PCDH19: variants seen among roughly 807,000 people sequenced by gnomAD.
The protein encoded by PCDH19 is protocadherin-19.
A neutral mutation model predicts 46.2 loss-of-function variants in PCDH19; 6 were observed. The observed-to-expected ratio is 0.13, with a 90% CI of 0.07 to 0.26. PCDH19 has a LOEUF of 0.26. Ranked by LOEUF, PCDH19 falls within the 10% of genes least tolerant of loss-of-function variation. The pLI is 1.00. For missense variants in PCDH19, 740 were observed against 972.3 expected (o/e 0.76, Z 3.18); for synonymous variants, 481 against 415.7 (o/e 1.16, Z -1.91).
intron 4 of PCDH19, among the ~76,000 whole-genome samples, chrX:100,348,818 G>T (rs113077897): frequency 1.0e-3 from 112 of 111,861 alleles, no homozygotes; most frequent in African/African-American, 3.4e-3. Flanking sequence ...CTTGTAAATT[G>T]GATAGTCAGG....
intron 5 of PCDH19, among the ~76,000 whole-genome samples, chrX:100,338,341 C>CAAAAAAA (rs1192568481): frequency 4.7e-4 from 17 of 35,993 alleles, no homozygotes; most frequent in East Asian, 8.7e-4. Flanking sequence ...GACTCCGTCT[C>CAAAAAAA]AAAAAAAAAA....
rs1218028967 is a variant in PCDH19, at chrX:100,353,121, A to C, written c.2617-2417T>G. The stretch of plus-strand genomic sequence containing the variant: ...ATCCTGATCCCCTGCTTTATACAGA[A>C]CCTGCAACTAACTCCAAGTAGGATC... On this transcript the variant is annotated intron_variant, in intron 3 of 5. Transcript: ENST00000373034. Among the ~76,000 whole-genome samples, 7 of 111,957 alleles carry C rather than the reference A, an allele frequency of 6.3e-5. No individual in the cohort carries two copies. In the Admixed American group the frequency reaches 6.6e-4, roughly 11 times the overall value.
Position 100,407,232 on chromosome X carries a change from G to C in PCDH19, c.1366C>G (p.Pro456Ala). The C allele has an allele frequency of 8.3e-7, 1 of 1,211,679 alleles. No individual in the cohort carries two copies. Among genetic ancestry groups the C allele is most frequent in the Non-Finnish European group, 1.1e-6 (1 of 895,511 alleles). The change falls in exon 1 of 6, where the codon CCC (proline) becomes GCC (alanine). Residue 456 changes from proline (P) to alanine (A), a missense_variant. By Grantham distance (27) the Pro-to-Ala change is conservative. Coordinates refer to ENST00000373034, the MANE Select transcript of PCDH19 (RefSeq NM_001184880.2). The part of the protein sequence containing the change: ...ENDNHPHFSK[P>A]YYQVIVQENN... ...TCCTGCACAATGACCTGGTAGTAGG[G>C]CTTGGAAAAGTGCGGGTGGTTGTCA...
intron 4 of PCDH19, among the ~76,000 whole-genome samples, chrX:100,350,374 T>A (rs1256587927): frequency 8.9e-6 from 1 of 112,064 alleles, no homozygotes; most frequent in Non-Finnish European, 1.9e-5. Flanking sequence ...TATTTTAATA[T>A]AATTCCAATT....
At position 100,305,260 on chromosome X, in the gene PCDH19, G is replaced by T. The variant is rs979920322; in HGVS notation, c.2849-8385C>A. The stretch of plus-strand genomic sequence containing the variant: ...ACCCTACAAGCTAGAAGGGATTGGG[G>T]TCCTATTTTTAGCCTCCTTAAATGA... On this transcript the variant is annotated intron_variant, in intron 5 of 5. Coordinates refer to ENST00000373034, the MANE Select transcript of PCDH19 (RefSeq NM_001184880.2). Among the ~76,000 whole-genome samples, 4 of 108,082 alleles carry T rather than the reference G, an allele frequency of 3.7e-5. No individual in the cohort carries two copies. In the South Asian group the frequency reaches 1.8e-3, roughly 47 times the overall value. The allele number at this position is 108,082 out of a possible 115,157, so 93.9% of individuals were successfully genotyped here. A position where few individuals can be genotyped will look rare whatever the true frequency, so the allele number is the denominator to read the frequency against.
chrX:100,338,079 G>A (rs1054095001), intron 5 of PCDH19, among the ~76,000 whole-genome samples: 13 of 111,481 alleles, frequency 1.2e-4, no homozygotes, highest in Non-Finnish European at 1.9e-4. Flanking sequence ...GGTGGCTCAC[G>A]CCTGTAATCC....
rs777494666 is a variant in PCDH19, at chrX:100,296,425, T to C, written c.3299A>G (p.Asn1100Ser). The C allele has an allele frequency of 6.6e-6, 8 of 1,209,050 alleles. No individual in the cohort carries two copies. In the Admixed American group the frequency reaches 1.7e-4, roughly 26 times the overall value. ...PARDLEQYVN[N>S]VNNGPTRPSE... is the part of the protein sequence containing the mutation. ...GGGACGAGTAGGGCCATTGTTGACA[T>C]TGTTGACATACTGCTCCAGATCACG... Residue 1100 changes from asparagine (N) to serine (S), a missense_variant, in exon 6 of 6, where the codon AAT becomes AGT. Around this residue, in one of 5 missense-constraint regions of PCDH19, gnomAD observed 416 missense variants for 476.8 expected, o/e 0.87. Transcript: ENST00000373034.
chrX:100,338,051 G>T lies in PCDH19; in HGVS notation c.2848+3852C>A, dbSNP rs967460240. 2.7e-4 allele frequency among the ~76,000 whole-genome samples: 30 copies of T among 111,674 alleles called. 1 individual carries two copies. Among genetic ancestry groups the T allele is most frequent in the Admixed American group, 7.6e-4 (8 of 10,559 alleles). ...TGACTTTTGCCCTTTGAGTTCAAAA[G>T]TCTTCTAGGCCAGGCGCGGTGGCTC... On this transcript the variant is annotated intron_variant, in intron 5 of 5. Coordinates refer to ENST00000373034, the MANE Select transcript of PCDH19 (RefSeq NM_001184880.2).
intron 5 of PCDH19, among the ~76,000 whole-genome samples, chrX:100,310,924 C>A (rs1569288469): frequency 9.1e-6 from 1 of 109,639 alleles, no homozygotes; most frequent in Non-Finnish European, 1.9e-5. Context: ...AATCATAGCT[C>A]ATTGCAGCTT....
Position 100,294,176 on chromosome X carries a change from A to G in PCDH19, c.*2101T>C, listed in dbSNP as rs950954078. The G allele has an allele frequency of 5.3e-5, 6 of 112,252 alleles. No individual in the cohort carries two copies. Among genetic ancestry groups the G allele is most frequent in the African/African-American group, 1.9e-4 (6 of 30,812 alleles). The allele number at this position is 112,252 out of a possible 1,213,427, so 9.3% of individuals were successfully genotyped here. On this transcript the variant is annotated 3_prime_UTR_variant, in exon 6 of 6. Coordinates refer to ENST00000373034, the MANE Select transcript of PCDH19 (RefSeq NM_001184880.2). Reference sequence around the variant, plus strand: ...TAGTCACTTGCAAAGAGAAATAAATACTTAATTCAAAATCCACTACCAAAA... The same window carrying G: ...TAGTCACTTGCAAAGAGAAATAAATGCTTAATTCAAAATCCACTACCAAAA...
At chrX:100,379,765 A>G (rs1186695254) in intron 3 of PCDH19, among the ~76,000 whole-genome samples, 1 of 112,295 alleles carries the variant, frequency 8.9e-6, no homozygotes, top group Non-Finnish European at 1.9e-5. Context: ...AGAGTAGCCA[A>G]GAAAGAATAT....
chrX:100,333,205 GAAAGA>G (rs1925968972), intron 5 of PCDH19, among the ~76,000 whole-genome samples: 1 of 96,813 alleles, frequency 1.0e-5, no homozygotes, highest in African/African-American at 3.9e-5. Context: ...AAGAAAGAAA[GAAAGA>G]AAGAAAGAAA....
chrX:100,408,034 G>C lies in PCDH19; in HGVS notation c.564C>G (p.Ala188=). The change falls in exon 1 of 6, where the codon GCC becomes GCG. Residue 188 remains alanine (A), a synonymous_variant. Transcript: ENST00000373034. ...IKTRGDGSRF[A]ELVVEKSLDR... ...CCAGGCTCTTTTCCACCACGAGTTCGGCAAAGCGGGAGCCGTCGCCGCGCG... is the reference window on the plus strand; with the variant it reads ...CCAGGCTCTTTTCCACCACGAGTTCCGCAAAGCGGGAGCCGTCGCCGCGCG... 1 of 1,208,427 alleles carries C rather than the reference G, an allele frequency of 8.3e-7. No individual in the cohort carries two copies. The highest frequency in any genetic ancestry group is 1.1e-6 in the Non-Finnish European group (1 of 895,622).
intron 3 of PCDH19, among the ~76,000 whole-genome samples, chrX:100,399,520 C>T (rs1376400028): frequency 8.9e-6 from 1 of 111,976 alleles, no homozygotes; most frequent in Non-Finnish European, 1.9e-5. Flanking sequence ...GTTGAATGAA[C>T]AAATCAATCA....
chrX:100,401,726 T>C (rs902997205), intron 3 of PCDH19, among the ~76,000 whole-genome samples: 1 of 94,147 alleles, frequency 1.1e-5, no homozygotes, highest in Admixed American at 1.3e-4. Flanking sequence ...CTCAAATGCA[T>C]AGATAATTCT....
rs1924434050 is a variant in PCDH19, at chrX:100,291,847, TTTC to T, written c.*4427_*4429del. 8.8e-6 allele frequency: 1 copy of T among 113,143 alleles called. No homozygotes were observed. The highest frequency in any genetic ancestry group is 3.2e-5 in the African/African-American group (1 of 31,087). 9.3% of individuals were successfully genotyped at this position (113,143 alleles called of 1,213,427 possible). ...ACAGTGGTGATTCTTTTTTGTCTTTTTTCTTTTTACAATGATTCAATCACTGTG... is the reference window on the plus strand; with the variant it reads ...ACAGTGGTGATTCTTTTTTGTCTTTTTTTTTACAATGATTCAATCACTGTG... On this transcript the variant is annotated 3_prime_UTR_variant, in exon 6 of 6. Coordinates refer to ENST00000373034, the MANE Select transcript of PCDH19 (RefSeq NM_001184880.2).
intron 5 of PCDH19, among the ~76,000 whole-genome samples, chrX:100,300,814 G>C (rs1193610300): frequency 3.0e-5 from 3 of 101,468 alleles, no homozygotes; most frequent in African/African-American, 1.1e-4. Flanking sequence ...AAAAAATACA[G>C]AAAAAAGTGA....
At chrX:100,405,368 G>A (rs1928312401) in intron 1 of PCDH19, among the ~76,000 whole-genome samples, 1 of 111,533 alleles carries the variant, frequency 9.0e-6, no homozygotes, top group Non-Finnish European at 1.9e-5. Flanking sequence ...AGACACTGCT[G>A]GAAAAAAAAT....
intron 5 of PCDH19, among the ~76,000 whole-genome samples, chrX:100,316,423 G>A (rs181167187): frequency 1.6e-4 from 18 of 112,279 alleles, no homozygotes; most frequent in East Asian, 1.4e-3. Context: ...CCAGTAGGAA[G>A]CCAAGTACCT....
Sources: allele counts gnomAD v4.1 joint callset (sites outside exome capture counted in the v4.1 genomes callset), GRCh38; gene constraint gnomAD v4.1.1; regional missense constraint gnomAD v4.1.1; transcripts MANE v1.5; gene names NCBI Gene and HGNC (gene_info 2026-07-23, HGNC 2026-07-21).